PRKG1: variants seen among roughly 807,000 people sequenced by gnomAD.
The protein encoded by PRKG1 is cGMP-dependent protein kinase 1.
A neutral mutation model predicts 88.1 loss-of-function variants in PRKG1; 35 were observed. The observed-to-expected ratio is 0.40, with a 90% CI of 0.30 to 0.53. The LOEUF (loss-of-function observed/expected upper bound fraction) is 0.53, where lower values mean the gene tolerates loss of function less well. PRKG1 is among the 20% of genes least tolerant of loss of function. The probability of loss-of-function intolerance (pLI) is 0.59; values close to 1 mark genes in which losing one functional copy is unlikely to be tolerated. For synonymous variants in PRKG1, 303 were observed against 292.5 expected (o/e 1.04, Z -0.37); for missense variants, 540 against 839.8 (o/e 0.64, Z 4.41).
At chr10:51,993,211 T>C (rs2133132264) in intron 5 of PRKG1, among the ~76,000 whole-genome samples, 1 of 152,306 alleles carries the variant, frequency 6.6e-6, no homozygotes, top group East Asian at 1.9e-4. Flanking sequence ...TTTTAAATTT[T>C]CTCATTATTT....
intron 3 of PRKG1, among the ~76,000 whole-genome samples, chr10:51,537,913 A>G (rs984093067): frequency 6.6e-6 from 1 of 152,182 alleles, no homozygotes; most frequent in Non-Finnish European, 1.5e-5. Context: ...TGAAAGCTCC[A>G]TGAGTGTCTC....
intron 9 of PRKG1, among the ~76,000 whole-genome samples, chr10:52,217,711 C>G (rs556271966): frequency 4.0e-4 from 61 of 152,258 alleles, no homozygotes; most frequent in Admixed American, 1.7e-3. Flanking sequence ...GCTTGGGCAA[C>G]TGATGCAAAT....
chr10:51,720,519 C>T (rs556324360), intron 3 of PRKG1, among the ~76,000 whole-genome samples: 1 of 152,258 alleles, frequency 6.6e-6, no homozygotes, highest in Non-Finnish European at 1.5e-5. Flanking sequence ...ATTCCTATGA[C>T]GAGAGTGCTT....
At chr10:52,107,628 T>A (rs1026973614) in intron 7 of PRKG1, among the ~76,000 whole-genome samples, 1 of 152,202 alleles carries the variant, frequency 6.6e-6, no homozygotes, top group African/African-American at 2.4e-5. Flanking sequence ...CCTGTCTCAA[T>A]GCCCTAAATA....
chr10:51,570,187 GT>G (rs1287698295), intron 3 of PRKG1, among the ~76,000 whole-genome samples: 2 of 151,010 alleles, frequency 1.3e-5, no homozygotes, highest in Non-Finnish European at 2.9e-5. Flanking sequence ...AGTTGGATCT[GT>G]CCCCCCGCAC....
intron 1 of PRKG1, among the ~76,000 whole-genome samples, chr10:51,105,779 T>C (rs551312560): frequency 6.6e-6 from 1 of 152,308 alleles, no homozygotes; most frequent in East Asian, 1.9e-4. Flanking sequence ...TTATTGAAAA[T>C]GTTACTACTT....
intron 2 of PRKG1, among the ~76,000 whole-genome samples, chr10:51,227,429 T>A (rs555418430): frequency 6.6e-6 from 1 of 152,226 alleles, no homozygotes; most frequent in Admixed American, 6.5e-5. Flanking sequence ...TCAGGTGTTC[T>A]TGTTCTCTTT....
rs150863261 is a variant in PRKG1, at chr10:51,313,632, G to A, written c.479-154091G>A. Among the ~76,000 whole-genome samples, 482 of 152,310 alleles carry A rather than the reference G, an allele frequency of 3.2e-3. 3 individuals are homozygous for A. Among genetic ancestry groups the A allele is most frequent in the African/African-American group, 0.011 (452 of 41,572 alleles). On this transcript the variant is annotated intron_variant, in intron 2 of 17. Transcript: ENST00000373980. ...TTCTTGATTCTGACTTTTGTAGTAT[G>A]TAGCCCTGCTATATATACAGTTGTC...
intron 5 of PRKG1, among the ~76,000 whole-genome samples, chr10:52,027,316 G>T (rs1472067440): frequency 6.6e-6 from 1 of 152,150 alleles, no homozygotes; most frequent in Non-Finnish European, 1.5e-5. Flanking sequence ...GTGTATGGGT[G>T]GAGGGTGGTG....
chr10:52,023,185 G>A (rs1211305037), intron 5 of PRKG1, among the ~76,000 whole-genome samples: 1 of 152,164 alleles, frequency 6.6e-6, no homozygotes, highest in East Asian at 1.9e-4. Context: ...TCTGTCTTGT[G>A]TTAGTTTGCT....
intron 1 of PRKG1, among the ~76,000 whole-genome samples, chr10:51,122,146 T>C (rs10761830): frequency 0.8 from 121,324 of 152,198 alleles, 48,935 homozygotes; most frequent in South Asian, 0.88. Flanking sequence ...GAGGATGGCA[T>C]TTGGCAGTTC....
chr10:51,881,453 G>C (rs1427846472), intron 4 of PRKG1, among the ~76,000 whole-genome samples: 1 of 152,176 alleles, frequency 6.6e-6, no homozygotes, highest in Non-Finnish European at 1.5e-5. Flanking sequence ...CATCTGGGTG[G>C]CTGAAATAGC....
At chr10:51,847,468 T>C (rs1840429030) in intron 4 of PRKG1, among the ~76,000 whole-genome samples, 1 of 152,106 alleles carries the variant, frequency 6.6e-6, no homozygotes, top group Non-Finnish European at 1.5e-5. Context: ...TGTGATGACT[T>C]ACTAAAATCT....
chr10:52,253,572 G>A (rs1359723987), intron 10 of PRKG1: 1 of 151,728 alleles, frequency 6.6e-6, no homozygotes, highest in Non-Finnish European at 1.5e-5. Flanking sequence ...GTGCACACAT[G>A]TGTATGCTCA....
intron 3 of PRKG1, among the ~76,000 whole-genome samples, chr10:51,471,183 T>G (rs1049292534): frequency 4.1e-4 from 63 of 151,958 alleles, no homozygotes; most frequent in African/African-American, 1.5e-3. Flanking sequence ...CAAATTTTCT[T>G]TATTAACTGT....
intron 9 of PRKG1, among the ~76,000 whole-genome samples, chr10:52,183,264 C>T (rs1317024227): frequency 2.6e-5 from 4 of 152,176 alleles, no homozygotes; most frequent in Admixed American, 6.5e-5. Context: ...TTCCTAGGCC[C>T]TTATGAATAT....
intron 7 of PRKG1, among the ~76,000 whole-genome samples, chr10:52,090,850 A>G (rs949327701): frequency 6.6e-6 from 1 of 152,252 alleles, no homozygotes; most frequent in Non-Finnish European, 1.5e-5. Flanking sequence ...GAAATTGCTG[A>G]TGATCAAACC....
chr10:51,738,363 C>T (rs1837345579), intron 3 of PRKG1, among the ~76,000 whole-genome samples: 1 of 152,198 alleles, frequency 6.6e-6, no homozygotes, highest in East Asian at 1.9e-4. Context: ...AATAGAAGAG[C>T]AAGTCACATC....
chr10:51,890,646 G>A (rs7917075), intron 4 of PRKG1, among the ~76,000 whole-genome samples: 74,783 of 152,064 alleles, frequency 0.49, 18,663 homozygotes, highest in Middle Eastern at 0.53. Context: ...AATGATATTA[G>A]AGAAGAAATA....
Sources: gnomAD v4.1 joint callset for allele counts (sites outside exome capture counted in the v4.1 genomes callset) on GRCh38, gnomAD v4.1.1 for gene constraint, MANE v1.5 for transcripts, NCBI Gene and HGNC (gene_info 2026-07-23, HGNC 2026-07-21) for gene names.